The following CDKN2B-AS1 variants were observed in gnomAD, a reference collection of about 807,000 sequenced individuals.
The protein encoded by CDKN2B-AS1 is CDKN2B and CDKN2A antisense cis and trans regulatory RNA 1, also known as CDKN2B antisense RNA 1 (non-protein coding).
At chr9:22,081,092 A>T (rs894439377) in intron 4 of CDKN2B-AS1, among the ~76,000 whole-genome samples, 2 of 152,212 alleles carry the variant, frequency 1.3e-5, no homozygotes, top group African/African-American at 4.8e-5. Context: ...AAATACAATT[A>T]GGTCCATATG....
intron 1 of CDKN2B-AS1, among the ~76,000 whole-genome samples, chr9:22,033,295 C>G (rs1363895869): frequency 1.3e-5 from 2 of 152,170 alleles, no homozygotes; most frequent in African/African-American, 4.8e-5. Context: ...TTCTGTTTTA[C>G]ATGCACAAGT....
chr9:22,098,645 A>G (rs1253146802), intron 4 of CDKN2B-AS1, among the ~76,000 whole-genome samples: 1 of 152,178 alleles, frequency 6.6e-6, no homozygotes, highest in African/African-American at 2.4e-5. Flanking sequence ...GTTACTTCAG[A>G]CACTTTCTCT....
Position 22,000,097 on chromosome 9 carries a change from G to T in CDKN2B-AS1, n.29+4936G>T, listed in dbSNP as rs926237334. The stretch of plus-strand genomic sequence containing the variant: ...AAGAATTATTAAATAACAACCACAG[G>T]AATATTGGGGCTCAAACCTAGAGAT... On this transcript the variant is annotated intron_variant and non_coding_transcript_variant, in intron 1 of 4. Coordinates refer to ENST00000650946, the Ensembl canonical transcript of CDKN2B-AS1. This position sits in a 1 kb window ranked among gnomAD's most constrained non-coding sequence, Gnocchi z 4.1. Among the ~76,000 whole-genome samples, 14 of 152,120 alleles carry T rather than the reference G, an allele frequency of 9.2e-5. No individual in the cohort carries two copies. The highest frequency in any genetic ancestry group is 3.1e-4 in the African/African-American group (13 of 41,434).
chr9:22,124,541 C>T (rs536791079), intron 4 of CDKN2B-AS1, among the ~76,000 whole-genome samples: 6 of 152,244 alleles, frequency 3.9e-5, no homozygotes, highest in Admixed American at 1.3e-4. Flanking sequence ...ATTGTAACGC[C>T]TTTTATAACA....
rs1825948091 is a variant in CDKN2B-AS1, at chr9:22,116,280, G to T, written n.439-10823G>T. Among the ~76,000 whole-genome samples the T allele has an allele frequency of 2.0e-5, 3 of 152,146 alleles. No homozygotes were observed. The South Asian group carries it at 6.2e-4, about 32-fold the overall frequency. On this transcript the variant is annotated intron_variant and non_coding_transcript_variant, in intron 4 of 4. Coordinates refer to ENST00000650946, the Ensembl canonical transcript of CDKN2B-AS1. ...TATCAAACGGATATAAGTTTGAGTAGGTATGGAGATGAGCCAGGGTTTATT... is the reference window on the plus strand; with the variant it reads ...TATCAAACGGATATAAGTTTGAGTATGTATGGAGATGAGCCAGGGTTTATT...
Position 22,090,832 on chromosome 9 carries a change from T to G in CDKN2B-AS1, n.438+34445T>G, listed in dbSNP as rs552571110. Among the ~76,000 whole-genome samples the G allele has an allele frequency of 5.9e-5, 9 of 152,290 alleles. No individual in the cohort carries two copies. In the South Asian group the frequency reaches 1.0e-3, roughly 18 times the overall value. On this transcript the variant is annotated intron_variant and non_coding_transcript_variant, in intron 4 of 4. Coordinates refer to ENST00000650946, the Ensembl canonical transcript of CDKN2B-AS1. ...CTGTGCAGAAGTTCTTTAGTTTAAT[T>G]AGATCCCATTTGTCAATTTTGGCTT...
At chr9:22,059,657 G>A (rs971088959) in intron 4 of CDKN2B-AS1, among the ~76,000 whole-genome samples, 2 of 152,250 alleles carry the variant, frequency 1.3e-5, no homozygotes, top group African/African-American at 4.8e-5. Context: ...GCAGTGCCTA[G>A]GGACTGTGTG....
chr9:22,023,081 A>AAT (rs1343845264), intron 1 of CDKN2B-AS1, among the ~76,000 whole-genome samples: 1 of 152,010 alleles, frequency 6.6e-6, no homozygotes, highest in African/African-American at 2.4e-5. Context: ...GACCTTAGAG[A>AAT]ATATGATGAT....
At chr9:22,103,671 A>G (rs1474154313) in intron 4 of CDKN2B-AS1, among the ~76,000 whole-genome samples, 1 of 152,258 alleles carries the variant, frequency 6.6e-6, no homozygotes, top group Non-Finnish European at 1.5e-5. Flanking sequence ...AGAGCCTATA[A>G]TAATAACAGC....
rs375443156 is a variant in CDKN2B-AS1 at position 22,008,832 on chromosome 9, T to C, written n.29+13671T>C. The C allele has an allele frequency of 2.0e-4, 320 of 1,608,630 alleles. No homozygotes were observed. The highest frequency in any genetic ancestry group is 2.4e-4 in the Non-Finnish European group (280 of 1,177,832). ...GCGCCTCCCGAAACGGTTGACTCCG[T>C]TGGGATCCGCGCCGGCTTCCAGGAG... On this transcript the variant is annotated intron_variant and non_coding_transcript_variant, in intron 1 of 4. Coordinates refer to ENST00000650946, the Ensembl canonical transcript of CDKN2B-AS1.
At chr9:22,100,631 T>A (rs1364914266) in intron 4 of CDKN2B-AS1, among the ~76,000 whole-genome samples, 1 of 152,228 alleles carries the variant, frequency 6.6e-6, no homozygotes, top group African/African-American at 2.4e-5. Flanking sequence ...AACGTTTATG[T>A]TTAAGTCTTT....
At chr9:22,087,776 A>G (rs1304288663) in intron 4 of CDKN2B-AS1, among the ~76,000 whole-genome samples, 1 of 152,232 alleles carries the variant, frequency 6.6e-6, no homozygotes, top group Non-Finnish European at 1.5e-5. Flanking sequence ...TTAAAAAATT[A>G]TATCCATTTA....
At chr9:22,013,361 A>G (rs1821596709) in intron 1 of CDKN2B-AS1, among the ~76,000 whole-genome samples, 1 of 152,248 alleles carries the variant, frequency 6.6e-6, no homozygotes, top group Non-Finnish European at 1.5e-5. Context: ...ACTGTTATTA[A>G]TAATTTATTC....
chr9:22,035,797 A>T (rs943991370), intron 1 of CDKN2B-AS1, among the ~76,000 whole-genome samples: 3 of 152,072 alleles, frequency 2.0e-5, no homozygotes, highest in Non-Finnish European at 4.4e-5. Context: ...GTGGCTTTTT[A>T]TCATTATAGA....
At chr9:22,040,334 G>GT (rs2131262940) in intron 1 of CDKN2B-AS1, among the ~76,000 whole-genome samples, 1 of 152,108 alleles carries the variant, frequency 6.6e-6, no homozygotes, top group African/African-American at 2.4e-5. Flanking sequence ...TAAATGACAA[G>GT]TTCAAGGTGT....
intron 1 of CDKN2B-AS1, among the ~76,000 whole-genome samples, chr9:22,023,730 A>G (rs1430440581): frequency 6.6e-6 from 1 of 152,150 alleles, no homozygotes; most frequent in Non-Finnish European, 1.5e-5. Context: ...GTGAGTTGAG[A>G]GTCCGTATCA....
At chr9:22,088,728 G>C (rs1824951354) in intron 4 of CDKN2B-AS1, among the ~76,000 whole-genome samples, 1 of 152,142 alleles carries the variant, frequency 6.6e-6, no homozygotes, top group South Asian at 2.1e-4. Context: ...CTTCCAGGAG[G>C]CTTCAAGAAA....
At chr9:22,003,552 G>A in intron 1 of CDKN2B-AS1, 1 of 229,096 alleles carries the variant, frequency 4.4e-6, no homozygotes, top group Non-Finnish European at 8.6e-6. Context: ...AGATTTTAAA[G>A]TATCAACTGA....
intron 1 of CDKN2B-AS1, among the ~76,000 whole-genome samples, chr9:22,007,449 C>A (rs570161838): frequency 6.6e-6 from 1 of 152,160 alleles, no homozygotes; most frequent in Non-Finnish European, 1.5e-5. Context: ...TGATGTTTTG[C>A]AGGAGTAATC....
Sources: allele counts gnomAD v4.1 joint callset (sites outside exome capture counted in the v4.1 genomes callset), GRCh38; gene constraint gnomAD v4.1.1; non-coding constraint Gnocchi (gnomAD v3.1); transcripts MANE v1.5; gene names NCBI Gene and HGNC (gene_info 2026-07-23, HGNC 2026-07-21).